Variants in STIL observed in about 807,000 individuals in gnomAD.
STIL encodes the protein SCL-interrupting locus protein.
STIL carries 55 observed loss-of-function variants against 110.1 expected under a neutral mutation model. That is an observed-to-expected ratio of 0.50 (90% CI 0.40 to 0.63). The LOEUF is 0.63. STIL is among the 20% of genes least tolerant of loss of function. STIL has a pLI of 0.00. For missense variants in STIL, 1,358 were observed against 1,530.0 expected, an observed-to-expected ratio of 0.89 and a Z score of 1.87; for synonymous variants, 481 against 530.0, an observed-to-expected ratio of 0.91 and a Z score of 1.27.
chr1:47,306,787 A>T (rs1336283424), intron 2 of STIL, among the ~76,000 whole-genome samples: 1 of 152,240 alleles, frequency 6.6e-6, no homozygotes, highest in Non-Finnish European at 1.5e-5. Context: ...TGTGATATTA[A>T]ATCATATAGG....
chr1:47,280,430 G>T lies in STIL; in HGVS notation c.2028C>A (p.Pro676=). ...CAGGCGATGGTTCAATATTGCTGTG[G>T]GGAGAACAACTGCCCATATCTCCCT... ...RPQGDMGSCS[P]HSNIEPSPVA... The change falls in exon 12 of 17, where the codon CCC becomes CCA. Residue 676 remains proline, a synonymous_variant. Transcript: ENST00000371877. The T allele has an allele frequency of 6.2e-7, 1 of 1,614,208 alleles. No individual in the cohort carries two copies. Among genetic ancestry groups the T allele is most frequent in the Non-Finnish European group, 8.5e-7 (1 of 1,180,034 alleles).
chr1:47,281,260 T>C, intron 11 of STIL, 51 bp from the exon 12 acceptor site: 1 of 1,540,030 alleles, frequency 6.5e-7, no homozygotes, highest in Non-Finnish European at 8.8e-7. Flanking sequence ...GGAGAAACTG[T>C]ATACTTTACT....
intron 14 of STIL, among the ~76,000 whole-genome samples, chr1:47,266,771 C>A (rs538476748): frequency 6.6e-5 from 10 of 152,336 alleles, no homozygotes; most frequent in African/African-American, 2.2e-4. Flanking sequence ...AACTTCCACT[C>A]TTAACATCCT....
intron 13 of STIL, among the ~76,000 whole-genome samples, chr1:47,270,238 A>AT (rs1644783611): frequency 1.3e-4 from 16 of 123,070 alleles, no homozygotes; most frequent in African/African-American, 4.4e-4. Context: ...AAAAAAAAAA[A>AT]AAAATATATA....
intron 11 of STIL, among the ~76,000 whole-genome samples, 186 bp downstream of exon 11, chr1:47,282,159 A>G (rs1038393767): frequency 6.6e-6 from 1 of 152,064 alleles, no homozygotes; most frequent in Non-Finnish European, 1.5e-5. Context: ...TACATATAAT[A>G]TGAATTATTA....
At position 47,280,948 on chromosome 1, in the gene STIL, T is replaced by C. The variant is rs748651942; in HGVS notation, c.1510A>G (p.Lys504Glu). 6.2e-7 allele frequency: 1 copy of C among 1,613,936 alleles called. No homozygotes were observed. The highest frequency in any genetic ancestry group is 8.5e-7 in the Non-Finnish European group (1 of 1,180,004). Residue 504 changes from lysine to glutamate, a missense_variant, in exon 12 of 17, where the codon AAA becomes GAA. By Grantham distance (56) the Lys-to-Glu change is moderately conservative. Transcript: ENST00000371877. ...QDKPALLRHC[K>E]VRQPPAYKKG... ...TTATAGGCAGGTGGCTGTCTTACTT[T>C]GCAGTGTCTCAAAAGAGCTGGTTTA...
Position 47,299,996 on chromosome 1 carries a change from C to CA in STIL, c.609dup (p.Val204CysfsTer18). 1 of 1,614,140 alleles carries CA rather than the reference C, an allele frequency of 6.2e-7. No individual in the cohort carries two copies. On this transcript the variant is annotated frameshift_variant, in exon 6 of 17. Transcript: ENST00000371877. LOFTEE classifies it high-confidence loss of function. Reference sequence around the variant, plus strand: ...GTTGGAATAATGGGGATGGGCTTCACAGGTGTGCATTTAAAGTTATTTGCT... The same window carrying CA: ...GTTGGAATAATGGGGATGGGCTTCACAAGGTGTGCATTTAAAGTTATTTGCT...
intron 7 of STIL, among the ~76,000 whole-genome samples, chr1:47,295,120 A>G (rs145226286): frequency 0.012 from 1,897 of 151,842 alleles, 39 homozygotes; most frequent in African/African-American, 0.043. Context: ...ATGGGGTTTC[A>G]CCATGTTATC....
rs1020570009 is a variant in STIL at position 47,259,648 on chromosome 1, T to C, written c.3080+641A>G. On this transcript the variant is annotated intron_variant, in intron 16 of 16. Coordinates refer to ENST00000371877, the MANE Select transcript of STIL (RefSeq NM_001048166.1). ...TGTGGGGAGTTGTGGCTTTTGCATT[T>C]TATCTTACACTCTCTTCTGTATTGT... Among the ~76,000 whole-genome samples the C allele has an allele frequency of 2.0e-5, 3 of 152,188 alleles. No individual in the cohort carries two copies. The East Asian group carries it at 5.8e-4, about 29-fold the overall frequency.
intron 14 of STIL, among the ~76,000 whole-genome samples, chr1:47,266,727 C>CT (rs1455266510): frequency 1.4e-4 from 21 of 152,304 alleles, no homozygotes; most frequent in Middle Eastern, 3.4e-3. Context: ...CTTCATCTCA[C>CT]TTGGTCTTTA....
rs561947974 is a variant in STIL, at chr1:47,275,038, G to A, written c.2218-2797C>T. Among the ~76,000 whole-genome samples, 14 of 152,006 alleles carry A rather than the reference G, an allele frequency of 9.2e-5. No individual in the cohort carries two copies. The East Asian group carries it at 2.7e-3, about 29-fold the overall frequency. ...ATGGTGGCACACGGCTGCAATCCCA[G>A]CTACTCAGGTGATAAAGGCAGGAGA... On this transcript the variant is annotated intron_variant, in intron 12 of 16. Coordinates refer to ENST00000371877, the MANE Select transcript of STIL (RefSeq NM_001048166.1).
At chr1:47,253,662 T>G (rs1644248551) in intron 16 of STIL, among the ~76,000 whole-genome samples, 1 of 152,170 alleles carries the variant, frequency 6.6e-6, no homozygotes, top group Admixed American at 6.6e-5. Context: ...GTAACTTGGA[T>G]TTTTTCTATC....
chr1:47,298,591 A>G (rs1386861265), intron 6 of STIL, among the ~76,000 whole-genome samples: 1 of 152,040 alleles, frequency 6.6e-6, no homozygotes, highest in Admixed American at 6.6e-5. Flanking sequence ...TGAATTCTCT[A>G]GCCTCCCTTG....
Position 47,310,369 on chromosome 1 carries a change from A to C in STIL, c.-43-7T>G, listed in dbSNP as rs1191066697. 4.0e-6 allele frequency: 6 copies of C among 1,504,518 alleles called. No homozygotes were observed. The Admixed American group carries it at 6.7e-5, about 17-fold the overall frequency. The allele number at this position is 1,504,518 out of a possible 1,614,324, so 93.2% of individuals were successfully genotyped here. ...ATTCCAAATCCTCAGTATCCTAAAG[A>C]ATTAAAGAGAATATTACTAATGAAT... On this transcript the variant is annotated splice_region_variant and splice_polypyrimidine_tract_variant and intron_variant, in intron 1 of 16. Transcript: ENST00000371877.
chr1:47,259,006 T>TTTTTTTTTTTTC (rs55925437), intron 16 of STIL, among the ~76,000 whole-genome samples: 2 of 51,702 alleles, frequency 3.9e-5, no homozygotes, highest in African/African-American at 6.5e-5. Context: ...TTTTTTTTTT[T>TTTTTTTTTTTTC]GAGACAGTCT....
intron 10 of STIL, among the ~76,000 whole-genome samples, chr1:47,285,175 C>T (rs1271789324): frequency 6.6e-6 from 1 of 152,186 alleles, no homozygotes; most frequent in Non-Finnish European, 1.5e-5. Context: ...GCATGTGCCA[C>T]CACAACCAGC....
At chr1:47,279,774 A>C (rs954888024) in intron 12 of STIL, among the ~76,000 whole-genome samples, 6 of 151,812 alleles carry the variant, frequency 4.0e-5, no homozygotes, top group African/African-American at 1.5e-4. Context: ...TCTGCAACAG[A>C]GGTTCTGAAA....
Position 47,251,676 on chromosome 1 carries a change from A to G in STIL, c.3327T>C (p.Ser1109=). The G allele has an allele frequency of 6.2e-7, 1 of 1,614,230 alleles. No individual in the cohort carries two copies. Among genetic ancestry groups the G allele is most frequent in the Non-Finnish European group, 8.5e-7 (1 of 1,180,044 alleles). ...INTDRSTVGL[S]LISPNNMSFA... ...ATGACATGTTGTTTGGTGAAATTAA[A>G]CTAAGCCCCACTGTGCTTCTGTCTG... The change falls in exon 17 of 17, where the codon AGT becomes AGC. Residue 1109 remains serine (S), a synonymous_variant. Transcript: ENST00000371877.
intron 14 of STIL, among the ~76,000 whole-genome samples, chr1:47,265,053 C>T (rs765408734): frequency 3.4e-5 from 5 of 148,896 alleles, no homozygotes; most frequent in Admixed American, 6.7e-5. Context: ...CTGGCCAACA[C>T]GGTGAAACAC....
Sources: gnomAD v4.1 joint callset for allele counts (sites outside exome capture counted in the v4.1 genomes callset) on GRCh38, gnomAD v4.1.1 for gene constraint, MANE v1.5 for transcripts, NCBI Gene and HGNC (gene_info 2026-07-23, HGNC 2026-07-21) for gene names.